HIPK2: variants seen among roughly 807,000 people sequenced by gnomAD.
The protein encoded by HIPK2 is homeodomain-interacting protein kinase 2.
HIPK2 carries 27 observed loss-of-function variants against 113.7 expected under a neutral mutation model. The observed-to-expected ratio is 0.24, with a 90% CI of 0.17 to 0.33. The LOEUF (loss-of-function observed/expected upper bound fraction) is 0.33. Among genes scored for constraint, HIPK2 ranks in the 10% least tolerant of loss-of-function variants. The pLI is 1.00. For missense variants in HIPK2, 1,257 were observed against 1,588.0 expected, an observed-to-expected ratio of 0.79 and a Z score of 3.54; for synonymous variants, 631 against 642.2, an observed-to-expected ratio of 0.98 and a Z score of 0.26.
At chr7:139,677,549 T>C (rs1172272333) in intron 2 of HIPK2, among the ~76,000 whole-genome samples, 2 of 152,164 alleles carry the variant, frequency 1.3e-5, no homozygotes, top group Non-Finnish European at 2.9e-5. Flanking sequence ...CAAGCTAAGC[T>C]AACAGCTACA....
chr7:139,676,241 T>A (rs1802491706), intron 2 of HIPK2, among the ~76,000 whole-genome samples: 1 of 152,192 alleles, frequency 6.6e-6, no homozygotes, highest in Non-Finnish European at 1.5e-5. Context: ...AGACCACAGG[T>A]ACATGAATGG....
intron 2 of HIPK2, among the ~76,000 whole-genome samples, chr7:139,704,350 C>T (rs1794826416): frequency 7.0e-6 from 1 of 143,556 alleles, no homozygotes; most frequent in South Asian, 2.3e-4. Flanking sequence ...TACCCCACCA[C>T]ACACACTATA....
chr7:139,611,224 C>T (rs1285958757), intron 9 of HIPK2, among the ~76,000 whole-genome samples: 3 of 152,172 alleles, frequency 2.0e-5, no homozygotes, highest in African/African-American at 7.2e-5. Context: ...TAACCTTGTA[C>T]TCAAATCAGA....
At chr7:139,647,709 G>A (rs1435571302) in intron 2 of HIPK2, among the ~76,000 whole-genome samples, 1 of 152,158 alleles carries the variant, frequency 6.6e-6, no homozygotes, top group East Asian at 1.9e-4. Context: ...AGTGGAGATA[G>A]GGAGGAGGCA....
At chr7:139,672,235 A>G (rs1201149806) in intron 2 of HIPK2, among the ~76,000 whole-genome samples, 1 of 152,228 alleles carries the variant, frequency 6.6e-6, no homozygotes, top group Non-Finnish European at 1.5e-5. Flanking sequence ...ACACTTGAAG[A>G]TAAGTAGAAT....
At chr7:139,621,749 A>G (rs1331844120) in intron 6 of HIPK2, among the ~76,000 whole-genome samples, 2 of 151,976 alleles carry the variant, frequency 1.3e-5, no homozygotes, top group Non-Finnish European at 2.9e-5. Context: ...GGGAGATCCT[A>G]TTCTCTACAA....
intron 2 of HIPK2, among the ~76,000 whole-genome samples, chr7:139,657,007 GTTACAGGC>G (rs1204077158): frequency 6.6e-6 from 1 of 151,990 alleles, no homozygotes; most frequent in Admixed American, 6.6e-5. Flanking sequence ...AGTAGCTGGG[GTTACAGGC>G]TTGCACCATC....
intron 14 of HIPK2, among the ~76,000 whole-genome samples, chr7:139,573,700 G>C (rs773302171): frequency 6.6e-6 from 1 of 152,002 alleles, no homozygotes; most frequent in East Asian, 1.9e-4. Context: ...AAAATTAGCC[G>C]GGCATGGTGG....
chr7:139,698,983 A>G (rs1794633671), intron 2 of HIPK2, among the ~76,000 whole-genome samples: 2 of 152,188 alleles, frequency 1.3e-5, no homozygotes, highest in African/African-American at 4.8e-5. Context: ...AGAGAAATGA[A>G]ACCTGAGTAG....
chr7:139,746,687 C>A (rs1047045781), intron 1 of HIPK2, among the ~76,000 whole-genome samples: 2 of 152,148 alleles, frequency 1.3e-5, no homozygotes, highest in African/African-American at 4.8e-5. Context: ...ATCTTCCTAA[C>A]CTCTACTCAA....
At chr7:139,686,917 G>A (rs896546796) in intron 2 of HIPK2, among the ~76,000 whole-genome samples, 6 of 152,194 alleles carry the variant, frequency 3.9e-5, no homozygotes, top group Admixed American at 3.3e-4. Flanking sequence ...GTCAAGTGAT[G>A]CAGCAAACTT....
chr7:139,744,309 C>A (rs1051095259), intron 1 of HIPK2, among the ~76,000 whole-genome samples: 1 of 152,162 alleles, frequency 6.6e-6, no homozygotes, highest in African/African-American at 2.4e-5. Flanking sequence ...GCAAAAGAAG[C>A]CAGACACAAA....
chr7:139,595,280 T>C (rs1188971692), intron 12 of HIPK2, among the ~76,000 whole-genome samples: 2 of 152,200 alleles, frequency 1.3e-5, no homozygotes, highest in Middle Eastern at 3.2e-3. Flanking sequence ...AGTCTGGGGC[T>C]GGGCAGGGCC....
At chr7:139,725,049 C>A (rs73471794) in intron 1 of HIPK2, among the ~76,000 whole-genome samples, 2,098 of 152,216 alleles carry the variant, frequency 0.014, 47 homozygotes, top group African/African-American at 0.047. Context: ...ATCATCAAGT[C>A]TGTATTAAGG....
intron 2 of HIPK2, among the ~76,000 whole-genome samples, chr7:139,664,094 T>C (rs910801893): frequency 3.9e-5 from 6 of 152,184 alleles, no homozygotes; most frequent in African/African-American, 1.2e-4. Flanking sequence ...CCTCCCCTCA[T>C]GCCCAATCTG....
Position 139,572,906 on chromosome 7 carries a change from T to TCCCC in HIPK2, c.*20_*21insGGGG. 6.7e-5 allele frequency: 13 copies of TCCCC among 193,754 alleles called. No homozygotes were observed. Among genetic ancestry groups the TCCCC allele is most frequent in the Middle Eastern group, 5.1e-4 (1 of 1,964 alleles). The allele number at this position is 193,754 out of a possible 1,614,324, so 12.0% of individuals were successfully genotyped here. A position where few individuals can be genotyped will look rare whatever the true frequency, so the allele number is the denominator to read the frequency against. The stretch of plus-strand genomic sequence containing the variant: ...TCGGGCCATTCTCTCCCTCCCTCCC[T>TCCCC]CCCTCCCTCCCCTCCAGTGTTTATA... On this transcript the variant is annotated 3_prime_UTR_variant, in exon 15 of 15. Transcript: ENST00000406875.
rs541309861 is a variant in HIPK2 at position 139,617,477 on chromosome 7, T to C, written c.1782+2924A>G. Reference sequence around the variant, plus strand: ...CCAGAAGGAAGGGGTTTGAGCTTGGTCTATAAACTCAAATTCAAATTCTTG... The same window carrying C: ...CCAGAAGGAAGGGGTTTGAGCTTGGCCTATAAACTCAAATTCAAATTCTTG... On this transcript the variant is annotated intron_variant, in intron 7 of 14. Coordinates refer to ENST00000406875, the MANE Select transcript of HIPK2 (RefSeq NM_022740.5). Among the ~76,000 whole-genome samples, 76 of 152,344 alleles carry C rather than the reference T, an allele frequency of 5.0e-4. 1 individual carries two copies. Among genetic ancestry groups the C allele is most frequent in the African/African-American group, 1.5e-3 (63 of 41,576 alleles).
intron 2 of HIPK2, among the ~76,000 whole-genome samples, chr7:139,649,096 C>T (rs1226172790): frequency 6.6e-6 from 1 of 152,156 alleles, no homozygotes; most frequent in Non-Finnish European, 1.5e-5. Context: ...TCTATCATAG[C>T]AGCCTCTAAC....
chr7:139,633,095 C>CAAAAAAAAAAAAAAAAAAAA (rs942820284), intron 2 of HIPK2, among the ~76,000 whole-genome samples: 5 of 74,608 alleles, frequency 6.7e-5, no homozygotes, highest in African/African-American at 1.8e-4. Context: ...GACCCTGTCT[C>CAAAAAAAAAAAAAAAAAAAA]AAAAAAAAAA....
Sources: gnomAD v4.1 joint callset for allele counts (sites outside exome capture counted in the v4.1 genomes callset) on GRCh38, gnomAD v4.1.1 for gene constraint, MANE v1.5 for transcripts, NCBI Gene and HGNC (gene_info 2026-07-23, HGNC 2026-07-21) for gene names.